The following ATG4B variants were observed in gnomAD, a reference collection of about 807,000 sequenced individuals.
The protein encoded by ATG4B is autophagy related 4B cysteine peptidase.
A neutral mutation model predicts 56.6 loss-of-function variants in ATG4B; 29 were observed. The ratio of observed to expected loss-of-function variants is 0.51; its 90% confidence interval spans 0.38 to 0.70. ATG4B has a LOEUF of 0.70. Among genes scored for constraint, ATG4B ranks in the 30% least tolerant of loss-of-function variants. The probability of loss-of-function intolerance (pLI) is 0.00; values close to 1 mark genes in which losing one functional copy is unlikely to be tolerated. For missense variants in ATG4B, 461 were observed against 515.5 expected (o/e 0.89, Z 1.02); for synonymous variants, 224 against 206.1 (o/e 1.09, Z -0.74).
chr2:241,659,413 C>G (rs942816698), intron 7 of ATG4B: 1 of 620,944 alleles, frequency 1.6e-6, no homozygotes, highest in African/African-American at 1.8e-5. Flanking sequence ...GAGGCCGCGA[C>G]TTGGTATCTC....
chr2:241,670,418 A>G (rs2068927450), intron 10 of ATG4B: 2 of 437,990 alleles, frequency 4.6e-6, no homozygotes, highest in Non-Finnish European at 8.4e-6. Flanking sequence ...GCCCTAACTC[A>G]TAACCTGCCC....
intron 12 of ATG4B, chr2:241,671,625 G>A (rs1349671069): frequency 1.8e-5 from 26 of 1,482,634 alleles, no homozygotes; most frequent in Non-Finnish European, 2.2e-5. Context: ...CCCCACCAGC[G>A]CTGCCTGCCC....
intron 1 of ATG4B, among the ~76,000 whole-genome samples, chr2:241,643,663 C>CACGT (rs1553563368): frequency 7.4e-6 from 1 of 135,604 alleles, no homozygotes; most frequent in Non-Finnish European, 1.5e-5. Context: ...TATATATATA[C>CACGT]GTGTGTGTGT....
At chr2:241,640,493 T>G (rs1386658539) in intron 1 of ATG4B, among the ~76,000 whole-genome samples, 1 of 152,232 alleles carries the variant, frequency 6.6e-6, no homozygotes, top group African/African-American at 2.4e-5. Context: ...CACTGTTTGT[T>G]ACTGACTGTC....
At chr2:241,648,588 C>T (rs1384804604) in intron 1 of ATG4B, among the ~76,000 whole-genome samples, 1 of 126,342 alleles carries the variant, frequency 7.9e-6, no homozygotes, top group Non-Finnish European at 1.6e-5. Flanking sequence ...AAATGAGTCC[C>T]GGTCTCAAAA....
chr2:241,638,275 T>A (rs1389445944), intron 1 of ATG4B: 2 of 152,258 alleles, frequency 1.3e-5, no homozygotes, highest in Non-Finnish European at 2.9e-5. Flanking sequence ...CAGTAGATTC[T>A]CCAAGCTGCT....
chr2:241,644,233 C>A (rs1190450610), intron 1 of ATG4B, among the ~76,000 whole-genome samples: 2 of 152,060 alleles, frequency 1.3e-5, no homozygotes, highest in Admixed American at 1.3e-4. Context: ...GTCCCAGCTA[C>A]TCAGGAGGCT....
At chr2:241,653,745 C>T (rs1368170647) in intron 4 of ATG4B, 135 bp downstream of exon 4, 1 of 718,146 alleles carries the variant, frequency 1.4e-6, no homozygotes, top group Non-Finnish European at 2.2e-6. Flanking sequence ...GAGTAATGAG[C>T]CACTTGTTTT....
At chr2:241,656,417 C>T (rs901049948) in intron 6 of ATG4B, among the ~76,000 whole-genome samples, 3 of 152,136 alleles carry the variant, frequency 2.0e-5, no homozygotes, top group Admixed American at 6.5e-5. Flanking sequence ...CTTCAGAGTC[C>T]TCTGTCCAGC....
intron 6 of ATG4B, among the ~76,000 whole-genome samples, chr2:241,655,923 A>C (rs745393085): frequency 2.0e-5 from 3 of 151,358 alleles, no homozygotes; most frequent in Non-Finnish European, 4.4e-5. Flanking sequence ...CTTCGTGTCC[A>C]CTCTTCACTC....
At chr2:241,667,941 G>T (rs1260370632) in intron 8 of ATG4B, 5 of 566,442 alleles carry the variant, frequency 8.8e-6, no homozygotes, top group Non-Finnish European at 1.6e-5. Flanking sequence ...CCTGAGCTGA[G>T]CCTGCAGATT....
At chr2:241,660,321 C>T (rs150741963) in intron 7 of ATG4B, among the ~76,000 whole-genome samples, 3,785 of 152,330 alleles carry the variant, frequency 0.025, 220 homozygotes, top group East Asian at 0.19. Context: ...GTCACAGACA[C>T]GCCCCTTCCC....
intron 6 of ATG4B, among the ~76,000 whole-genome samples, chr2:241,656,017 C>T (rs2068390366): frequency 1.3e-5 from 2 of 152,172 alleles, no homozygotes; most frequent in South Asian, 4.1e-4. Flanking sequence ...GCCAGATCCC[C>T]CAGGACTTGT....
At position 241,668,644 on chromosome 2, in the gene ATG4B, T is replaced by C. The variant is rs1449784721; in HGVS notation, c.916T>C (p.Cys306Arg). The C allele has an allele frequency of 6.3e-7, 1 of 1,584,062 alleles. No individual in the cohort carries two copies. Among genetic ancestry groups the C allele is most frequent in the Non-Finnish European group, 8.6e-7 (1 of 1,166,250 alleles). Residue 306 changes from cysteine to arginine, a missense_variant, in exon 10 of 13, where the codon TGC becomes CGC. Transcript: ENST00000404914. The surrounding 1 kb of genome is among the most constrained non-coding windows in gnomAD (Gnocchi z 4.2). ...DESFHCQHPPCRMSIAELDPS... is the reference protein window; with the variant it reads ...DESFHCQHPPRRMSIAELDPS... ...GAGCTTCCACTGCCAGCACCCGCCG[T>C]GCCGCATGAGCATCGCGGAGCTTGA...
intron 7 of ATG4B, among the ~76,000 whole-genome samples, chr2:241,663,692 T>C (rs1452426567): frequency 1.3e-5 from 2 of 152,044 alleles, no homozygotes; most frequent in Non-Finnish European, 2.9e-5. Context: ...AAGGAAGAAA[T>C]GTATTAGGCC....
intron 10 of ATG4B, 124 bp from the exon 11 acceptor site, chr2:241,670,602 G>A: frequency 1.1e-6 from 1 of 922,728 alleles, no homozygotes; most frequent in Non-Finnish European, 1.7e-6. Context: ...AGGCAGGCTG[G>A]AATGTCCAGC....
At chr2:241,666,983 C>A in intron 8 of ATG4B, 145 bp downstream of exon 8, 1 of 975,754 alleles carries the variant, frequency 1.0e-6, no homozygotes, top group Non-Finnish European at 1.5e-6. Flanking sequence ...CACCGTTGCC[C>A]AAGGGGTGAG....
chr2:241,647,836 G>A (rs6733427), intron 1 of ATG4B, among the ~76,000 whole-genome samples: 22,273 of 151,540 alleles, frequency 0.15, 1,784 homozygotes, highest in Middle Eastern at 0.28. Flanking sequence ...GGAGTGGGCC[G>A]GATGCTGTGG....
intron 7 of ATG4B, among the ~76,000 whole-genome samples, chr2:241,663,116 C>G (rs2068642444): frequency 6.6e-6 from 1 of 152,200 alleles, no homozygotes; most frequent in Non-Finnish European, 1.5e-5. Flanking sequence ...CCTCGTAATC[C>G]CAGCTGCTCG....
Sources: gnomAD v4.1 joint callset for allele counts (sites outside exome capture counted in the v4.1 genomes callset) on GRCh38, gnomAD v4.1.1 for gene constraint, Gnocchi (gnomAD v3.1) non-coding constraint, MANE v1.5 for transcripts, NCBI Gene and HGNC (gene_info 2026-07-23, HGNC 2026-07-21) for gene names.